The following DCTN1 variants were observed in gnomAD, a reference collection of about 807,000 sequenced individuals.
The protein encoded by DCTN1 is dynactin subunit 1, also known as 150 kDa dynein-associated polypeptide.
Under a neutral mutation model 161.2 loss-of-function variants are expected in DCTN1, and 61 were observed. The ratio of observed to expected loss-of-function variants is 0.38; its 90% CI spans 0.31 to 0.47. DCTN1 has a LOEUF of 0.47. Among genes scored for constraint, DCTN1 ranks in the 20% least tolerant of loss-of-function variants. DCTN1 has a pLI of 0.99. For missense variants in DCTN1, 1,404 were observed against 1,623.7 expected (o/e 0.86, Z 2.33); for synonymous variants, 653 against 632.4 (o/e 1.03, Z -0.49).
In DCTN1 at chr2:74,367,744, A is replaced by G. The variant is rs147297927; in HGVS notation, c.2136T>C (p.Asp712=). 448 of 1,614,166 alleles carry G rather than the reference A, an allele frequency of 2.8e-4. 4 individuals carry two copies. The East Asian group carries it at 9.9e-3, about 36-fold the overall frequency. ...LIELLHKDQL[D]ETVNVEPLTK... is the part of the protein sequence containing the mutation. Reference sequence around the variant, plus strand: ...TGAGAGGCTCCACATTGACAGTCTCATCCAGCTGATCCTTGTGCAGCAGTT... The same window carrying G: ...TGAGAGGCTCCACATTGACAGTCTCGTCCAGCTGATCCTTGTGCAGCAGTT... Residue 712 remains aspartate, a synonymous_variant, in exon 18 of 32, where the codon GAT becomes GAC. Coordinates refer to ENST00000628224, the MANE Select transcript of DCTN1 (RefSeq NM_004082.5).
Position 74,370,282 on chromosome 2 carries a change from C to A in DCTN1, c.1191G>T (p.Lys397Asn), listed in dbSNP as rs1334196334. Residue 397 changes from lysine to asparagine, a missense_variant, in exon 12 of 32, where the codon AAG (lysine) becomes AAT (asparagine). This residue lies in a region of DCTN1 where 278 missense variants were observed against 363.8 expected (regional missense o/e 0.76). Transcript: ENST00000628224. The surrounding 1 kb of genome is among the most constrained non-coding windows in gnomAD (Gnocchi z 4.4). Reference sequence around the variant, plus strand: ...TCACAACTTCCAGCTCTTGGTTCTTCTTTTCCATGAGCTTCTGGAGCTTCA... The same window carrying A: ...TCACAACTTCCAGCTCTTGGTTCTTATTTTCCATGAGCTTCTGGAGCTTCA... ...EHVKLQKLMEKKNQELEVVRQ... is the reference protein window; with the variant it reads ...EHVKLQKLMENKNQELEVVRQ... 6.2e-7 allele frequency: 1 copy of A among 1,614,108 alleles called. No homozygotes were observed.
At chr2:74,368,180 AAC>A in intron 16 of DCTN1, 49 bp from the exon 17 acceptor site, 1 of 1,553,608 alleles carries the variant, frequency 6.4e-7, no homozygotes, top group South Asian at 1.2e-5. Flanking sequence ...GAGGATGGAG[AAC>A]AGAGACTCAG....
In DCTN1 at chr2:74,365,997, C is replaced by T. The variant is rs1674377455; in HGVS notation, c.2782G>A (p.Ala928Thr). The change falls in exon 24 of 32, where the codon GCT (alanine) becomes ACT (threonine). Residue 928 changes from alanine to threonine, a missense_variant. Around this residue, in one of 9 missense-constraint regions of DCTN1, gnomAD observed 475 missense variants for 489.8 expected, o/e 0.97. Coordinates refer to ENST00000628224, the MANE Select transcript of DCTN1 (RefSeq NM_004082.5). Reference sequence around the variant, plus strand: ...GTGATCTCTGCACGAAGGGCAGCAGCCCGCAGTTCAACCGGTGGAGGCTAA... The same window carrying T: ...GTGATCTCTGCACGAAGGGCAGCAGTCCGCAGTTCAACCGGTGGAGGCTAA... ...PSKPPPVELR[A>T]AALRAEITDA... 3 of 1,614,258 alleles carry T rather than the reference C, an allele frequency of 1.9e-6. No individual in the cohort carries two copies. The highest frequency in any genetic ancestry group is 2.5e-6 in the Non-Finnish European group (3 of 1,180,052).
Position 74,363,169 on chromosome 2 carries a change from C to T in DCTN1, c.3354G>A (p.Gln1118=). 6.2e-7 allele frequency: 1 copy of T among 1,614,136 alleles called. No homozygotes were observed. The highest frequency in any genetic ancestry group is 1.1e-5 in the South Asian group (1 of 91,076). Residue 1118 remains glutamine (Q), a synonymous_variant, in exon 29 of 32, where the codon CAG becomes CAA. Transcript: ENST00000628224. ...QHENSILKGA[Q]MKASLASLPP... is the part of the protein sequence containing the mutation. ...GCAGGGATGCCAAGGATGCCTTCATCTGGGCTCCCTGTGGATGAAAAAAGA... is the reference window on the plus strand; with the variant it reads ...GCAGGGATGCCAAGGATGCCTTCATTTGGGCTCCCTGTGGATGAAAAAAGA...
upstream of DCTN1, chr2:74,384,820 G>C (rs568590175): frequency 6.6e-5 from 10 of 152,380 alleles, no homozygotes; most frequent in East Asian, 1.5e-3. Context: ...AGAGGAGCTT[G>C]TCTGAAACCC....
At chr2:74,371,285 G>T (rs1048565096) in intron 8 of DCTN1, 109 bp from the exon 9 acceptor site, 2 of 1,601,426 alleles carry the variant, frequency 1.2e-6, no homozygotes, top group African/African-American at 2.7e-5. Flanking sequence ...CCAGCCCCAG[G>T]GTGGCCAACA....
At position 74,370,345 on chromosome 2, in the gene DCTN1, C is replaced by T. The variant is rs748767236; in HGVS notation, c.1128G>A (p.Arg376=). 6 of 1,614,014 alleles carry T rather than the reference C, an allele frequency of 3.7e-6. No individual in the cohort carries two copies. The highest frequency in any genetic ancestry group is 2.2e-5 in the South Asian group (2 of 91,082). ...TCTCTGAGGAAGAAAGATCCCGCAT[C>T]CTGCAGGGATGTGAGGAAGGCAGAA... is the stretch of plus-strand genomic sequence containing the variant. ...QNARLKDALV[R]MRDLSSSEKQ... The change falls in exon 12 of 32, where the codon AGG becomes AGA. Residue 376 remains arginine, a splice_region_variant and synonymous_variant. Coordinates refer to ENST00000628224, the MANE Select transcript of DCTN1 (RefSeq NM_004082.5). The surrounding 1 kb of genome is among the most constrained non-coding windows in gnomAD (Gnocchi z 4.4).
intron 16 of DCTN1, 84 bp downstream of exon 16, chr2:74,368,644 T>TCA: frequency 6.3e-7 from 1 of 1,591,384 alleles, no homozygotes; most frequent in Middle Eastern, 1.7e-4. Context: ...GCAGAGACTC[T>TCA]GTTGTCTTCA....
chr2:74,372,957 G>A lies in DCTN1; in HGVS notation c.433-9C>T. 1 of 1,613,828 alleles carries A rather than the reference G, an allele frequency of 6.2e-7. No homozygotes were observed. Among genetic ancestry groups the A allele is most frequent in the South Asian group, 1.1e-5 (1 of 91,080 alleles). ...GGTCGCCGAGTTGTGGTCTGGACAG[G>A]CAACAGGAGCCAGAAGAGAAGTAGT... On this transcript the variant is annotated splice_polypyrimidine_tract_variant and intron_variant, in intron 6 of 31. Transcript: ENST00000628224.
Position 74,380,042 on chromosome 2 carries a change from C to T in DCTN1, c.-5G>A. ...GTGCCTCTTGCTCTGTGCCATGTTGCTCACCCGGCCTCTACCCCCTCCCCC... is the reference window on the plus strand; with the variant it reads ...GTGCCTCTTGCTCTGTGCCATGTTGTTCACCCGGCCTCTACCCCCTCCCCC... On this transcript the variant is annotated 5_prime_UTR_variant, in exon 1 of 32. Transcript: ENST00000628224. 2 of 1,614,100 alleles carry T rather than the reference C, an allele frequency of 1.2e-6. No individual in the cohort carries two copies. Among genetic ancestry groups the T allele is most frequent in the Non-Finnish European group, 1.7e-6 (2 of 1,179,998 alleles).
rs754780894 is a variant in DCTN1 at position 74,367,083 on chromosome 2, T to C, written c.2278A>G (p.Met760Val). ...IKFTQSALDC[M>V]SVEVGRLRAF... ...CGCAGCCGTCCTACCTCCACACTCATGCAGTCCAGAGCACTCTGCGTGAAC... is the reference window on the plus strand; with the variant it reads ...CGCAGCCGTCCTACCTCCACACTCACGCAGTCCAGAGCACTCTGCGTGAAC... The change falls in exon 20 of 32, where the codon ATG becomes GTG. Residue 760 changes from methionine (M) to valine (V), a missense_variant. Around this residue, in one of 9 missense-constraint regions of DCTN1, gnomAD observed 475 missense variants for 489.8 expected, o/e 0.97. Coordinates refer to ENST00000628224, the MANE Select transcript of DCTN1 (RefSeq NM_004082.5). 8.7e-5 allele frequency: 140 copies of C among 1,614,076 alleles called. No individual in the cohort carries two copies. The highest frequency in any genetic ancestry group is 4.8e-4 in the Admixed American group (29 of 59,998).
chr2:74,371,974 A>G (rs1460084281), intron 7 of DCTN1: 2 of 526,832 alleles, frequency 3.8e-6, no homozygotes, highest in African/African-American at 3.8e-5. Flanking sequence ...GGAGGAAAAG[A>G]TAAGAGAAAG....
At chr2:74,381,375 C>G (rs775706211), upstream of DCTN1, among the ~76,000 whole-genome samples, 7 of 152,160 alleles carry the variant, frequency 4.6e-5, no homozygotes, top group African/African-American at 1.2e-4. Flanking sequence ...GACTTTACCC[C>G]GCTCTACCCT....
chr2:74,387,029 G>T (rs1675762336), intron 1 of DCTN1: 2 of 152,200 alleles, frequency 1.3e-5, no homozygotes, highest in Admixed American at 1.3e-4. Flanking sequence ...CTCAAAGTGA[G>T]TACACATTCT....
intron 1 of DCTN1, among the ~76,000 whole-genome samples, chr2:74,388,394 T>C (rs999000761): frequency 3.3e-5 from 5 of 152,068 alleles, no homozygotes; most frequent in Non-Finnish European, 7.4e-5. Flanking sequence ...CAAAACAAAA[T>C]AAAACAACAT....
intron 16 of DCTN1, 39 bp from the exon 17 acceptor site, chr2:74,368,170 G>C: frequency 6.4e-7 from 1 of 1,557,388 alleles, no homozygotes; most frequent in Non-Finnish European, 8.7e-7. Context: ...CCTCAGAGCA[G>C]AGGATGGAGA....
Position 74,380,150 on chromosome 2 carries a change from C to T in DCTN1, c.-113G>A, listed in dbSNP as rs763253582. The T allele has an allele frequency of 1.7e-4, 200 of 1,174,364 alleles. No individual in the cohort carries two copies. Among genetic ancestry groups the T allele is most frequent in the Non-Finnish European group, 2.4e-4 (190 of 796,638 alleles). 72.7% of individuals were successfully genotyped at this position (1,174,364 alleles called of 1,614,324 possible). A position where few individuals can be genotyped will look rare whatever the true frequency, so the allele number is the denominator to read the frequency against. ...GGCCCTCATAGAGGGACACAGGAGT[C>T]GTCAGGCACAGCCCTCCCCAGTCCA... On this transcript the variant is annotated 5_prime_UTR_variant, in exon 1 of 32. Transcript: ENST00000628224.
chr2:74,383,218 C>T (rs978495238), upstream of DCTN1, among the ~76,000 whole-genome samples: 2 of 152,248 alleles, frequency 1.3e-5, no homozygotes, highest in African/African-American at 4.8e-5. Flanking sequence ...AGAACCCTAG[C>T]TTAGCTGAAG....
Position 74,363,601 on chromosome 2 carries a change from A to C in DCTN1, c.3211+13T>G. ...CACCAGCCTGGTAACCCCCGGCCAG[A>C]GTGGGTCTCTACCTCGCTGCTGTTC... On this transcript the variant is annotated intron_variant, in intron 27 of 31. Transcript: ENST00000628224. 7.4e-6 allele frequency: 12 copies of C among 1,613,450 alleles called. No homozygotes were observed. The highest frequency in any genetic ancestry group is 9.3e-6 in the Non-Finnish European group (11 of 1,179,802).
Sources: gnomAD v4.1 joint callset for allele counts (sites outside exome capture counted in the v4.1 genomes callset) on GRCh38, gnomAD v4.1.1 for gene constraint, gnomAD v4.1.1 regional missense constraint, Gnocchi (gnomAD v3.1) non-coding constraint, MANE v1.5 for transcripts, NCBI Gene and HGNC (gene_info 2026-07-23, HGNC 2026-07-21) for gene names.